The following SPAG16 variants were observed in gnomAD, a reference collection of about 807,000 sequenced individuals.
SPAG16 encodes sperm-associated antigen 16 protein.
In SPAG16, 86 loss-of-function variants were observed where a neutral mutation model predicts 80.4. That is an observed-to-expected ratio of 1.07 (90% CI 0.90 to 1.28). SPAG16 has a LOEUF of 1.28. Among genes scored for constraint, SPAG16 ranks in the 50% most tolerant of loss-of-function variants. SPAG16 has a pLI of 0.00. For missense variants in SPAG16, 870 were observed against 765.3 expected, an observed-to-expected ratio of 1.14 and a Z score of -1.61; for synonymous variants, 294 against 265.9, an observed-to-expected ratio of 1.11 and a Z score of -1.03.
chr2:213,545,516 G>C (rs1488310663), intron 10 of SPAG16, among the ~76,000 whole-genome samples: 1 of 151,982 alleles, frequency 6.6e-6, no homozygotes, highest in African/African-American at 2.4e-5. Flanking sequence ...CTTTGGTATT[G>C]TATCAAAATA....
At chr2:213,628,520 T>C (rs922309950) in intron 10 of SPAG16, among the ~76,000 whole-genome samples, 3 of 152,228 alleles carry the variant, frequency 2.0e-5, no homozygotes, top group Non-Finnish European at 4.4e-5. Flanking sequence ...ATTTAAAAAT[T>C]TGGACAAGAA....
intron 15 of SPAG16, among the ~76,000 whole-genome samples, chr2:214,319,187 G>GCGCACACACACAC (rs1695904915): frequency 4.8e-4 from 12 of 25,140 alleles, no homozygotes; most frequent in Non-Finnish European, 1.4e-3. Context: ...TAATAAACTT[G>GCGCACACACACAC]CACACACACA....
intron 10 of SPAG16, among the ~76,000 whole-genome samples, chr2:213,700,154 A>G (rs1172094037): frequency 6.6e-6 from 1 of 152,198 alleles, no homozygotes; most frequent in African/African-American, 2.4e-5. Flanking sequence ...ATACAATGCC[A>G]TAAGAGCAAA....
At chr2:213,898,620 T>G (rs764989263) in intron 11 of SPAG16, among the ~76,000 whole-genome samples, 2 of 152,166 alleles carry the variant, frequency 1.3e-5, no homozygotes, top group African/African-American at 2.4e-5. Flanking sequence ...ATTCACGGAC[T>G]TGGTTATGCA....
At chr2:214,107,593 T>C (rs2053447778) in intron 13 of SPAG16, among the ~76,000 whole-genome samples, 1 of 152,198 alleles carries the variant, frequency 6.6e-6, no homozygotes. Context: ...GTTTTTGTAG[T>C]TAATTTTAAT....
intron 10 of SPAG16, among the ~76,000 whole-genome samples, chr2:213,681,862 C>G (rs1158238678): frequency 6.6e-6 from 1 of 152,198 alleles, no homozygotes; most frequent in Admixed American, 6.5e-5. Context: ...TCTTTCCACT[C>G]CCCATCTGTA....
chr2:214,141,754 G>A (rs1441236393), intron 14 of SPAG16, among the ~76,000 whole-genome samples: 2 of 152,020 alleles, frequency 1.3e-5, no homozygotes, highest in African/African-American at 2.4e-5. Flanking sequence ...TAATTGAAAT[G>A]TCTTTAAAAT....
intron 15 of SPAG16, among the ~76,000 whole-genome samples, chr2:214,303,040 G>A (rs541076727): frequency 3.9e-5 from 6 of 152,242 alleles, no homozygotes; most frequent in South Asian, 4.2e-4. Flanking sequence ...TCTTGAAGAC[G>A]GCAGATAGTT....
At chr2:213,348,926 T>C (rs1423197730) in intron 6 of SPAG16, among the ~76,000 whole-genome samples, 5 of 152,168 alleles carry the variant, frequency 3.3e-5, no homozygotes, top group African/African-American at 1.2e-4. Context: ...CTCTTTCCAG[T>C]GCACATGGAA....
chr2:214,176,674 T>C (rs2057094012), intron 15 of SPAG16, among the ~76,000 whole-genome samples: 1 of 151,284 alleles, frequency 6.6e-6, no homozygotes, highest in Admixed American at 6.6e-5. Flanking sequence ...AATCTTCCCC[T>C]GAGTCTTTAT....
At chr2:214,225,191 A>T (rs1476250126) in intron 15 of SPAG16, among the ~76,000 whole-genome samples, 1 of 152,180 alleles carries the variant, frequency 6.6e-6, no homozygotes, top group African/African-American at 2.4e-5. Context: ...CCAACAGGAG[A>T]TGTGGACAAA....
At chr2:214,372,341 C>T (rs547580522) in intron 15 of SPAG16, among the ~76,000 whole-genome samples, 2 of 152,214 alleles carry the variant, frequency 1.3e-5, no homozygotes, top group South Asian at 4.1e-4. Context: ...AAGCATCATG[C>T]CAGTGTAAGA....
intron 15 of SPAG16, among the ~76,000 whole-genome samples, chr2:214,362,121 G>C (rs371830597): frequency 7.9e-5 from 12 of 152,002 alleles, no homozygotes; most frequent in African/African-American, 2.9e-4. Flanking sequence ...CAGGGACTTA[G>C]ATTCTGGTTC....
At chr2:213,973,061 A>C (rs2045165224) in intron 12 of SPAG16, among the ~76,000 whole-genome samples, 1 of 152,158 alleles carries the variant, frequency 6.6e-6, no homozygotes, top group African/African-American at 2.4e-5. Flanking sequence ...AGATTTAGCC[A>C]GCCCAGTTAA....
chr2:213,440,356 T>G lies in SPAG16; in HGVS notation c.943-49607T>G, dbSNP rs183444938. ...CGAGGTCAGGAGATTGAGACCATCC[T>G]GGCTAACACAGTGAAACCTAGTCTC... On this transcript the variant is annotated intron_variant, in intron 9 of 15. Transcript: ENST00000331683. 9.6e-3 allele frequency among the ~76,000 whole-genome samples: 1,462 copies of G among 152,136 alleles called. 10 individuals are homozygous for G. Among genetic ancestry groups the G allele is most frequent in the Middle Eastern group, 0.024 (7 of 294 alleles).
At chr2:213,892,708 C>T (rs1326854505) in intron 11 of SPAG16, among the ~76,000 whole-genome samples, 2 of 152,016 alleles carry the variant, frequency 1.3e-5, no homozygotes, top group East Asian at 1.9e-4. Context: ...AATGACCACG[C>T]AGATGAAAGA....
At chr2:213,885,144 G>T (rs868296079) in intron 11 of SPAG16, among the ~76,000 whole-genome samples, 2 of 152,150 alleles carry the variant, frequency 1.3e-5, no homozygotes, top group Non-Finnish European at 2.9e-5. Context: ...TTCATTTCTG[G>T]ATGTTTTTAG....
At chr2:213,599,607 A>G (rs938156111) in intron 10 of SPAG16, among the ~76,000 whole-genome samples, 2 of 152,228 alleles carry the variant, frequency 1.3e-5, no homozygotes, top group Non-Finnish European at 2.9e-5. Flanking sequence ...AATACACGTA[A>G]CATACAAAAT....
chr2:214,306,284 T>G (rs1347641825), intron 15 of SPAG16, among the ~76,000 whole-genome samples: 3 of 152,158 alleles, frequency 2.0e-5, no homozygotes, highest in African/African-American at 7.2e-5. Context: ...GGGCTGAGAC[T>G]CTGGGATTTT....
Sources: allele counts gnomAD v4.1 joint callset (sites outside exome capture counted in the v4.1 genomes callset), GRCh38; gene constraint gnomAD v4.1.1; transcripts MANE v1.5; gene names NCBI Gene and HGNC (gene_info 2026-07-23, HGNC 2026-07-21).